The following CHRNA7 variants were observed in gnomAD, a reference collection of about 807,000 sequenced individuals.
CHRNA7 encodes the protein neuronal acetylcholine receptor subunit alpha-7.
In CHRNA7, 17 loss-of-function variants were observed where a neutral mutation model predicts 48.0. That is an observed-to-expected ratio of 0.35 (90% CI 0.24 to 0.53). The LOEUF is 0.53. Ranked by LOEUF, CHRNA7 falls within the 20% of genes least tolerant of loss-of-function variation. CHRNA7 has a pLI of 0.92. For missense variants in CHRNA7, 155 were observed against 577.7 expected (o/e 0.27, Z 7.50); for synonymous variants, 75 against 242.3 (o/e 0.31, Z 6.41).
Position 32,149,278 on chromosome 15 carries a change from C to T in CHRNA7, c.351-4629C>T, listed in dbSNP as rs2051565778. On this transcript the variant is annotated intron_variant, in intron 4 of 9. Transcript: ENST00000306901. The surrounding 1 kb of genome is among the most constrained non-coding windows in gnomAD (Gnocchi z 4.6). ...AGAATGAATCCCTGCAGCCCTACCC[C>T]TGTTTCCACGGTTATGGGTGTTTGC... is the stretch of plus-strand genomic sequence containing the variant. Among the ~76,000 whole-genome samples the T allele has an allele frequency of 1.3e-5, 2 of 151,060 alleles. No homozygotes were observed. The highest frequency in any genetic ancestry group is 5.0e-5 in the African/African-American group (2 of 40,378).
At chr15:32,069,015 T>G (rs1399406215) in intron 2 of CHRNA7, among the ~76,000 whole-genome samples, 1 of 152,198 alleles carries the variant, frequency 6.6e-6, no homozygotes, top group Non-Finnish European at 1.5e-5. Flanking sequence ...GGACACCTTT[T>G]TTGTGATACC....
At chr15:32,150,953 G>T (rs930915443) in intron 4 of CHRNA7, among the ~76,000 whole-genome samples, 1 of 151,988 alleles carries the variant, frequency 6.6e-6, no homozygotes, top group Non-Finnish European at 1.5e-5. Flanking sequence ...GTAAGGGGGG[G>T]GGATGTGTCC....
chr15:32,096,556 T>C (rs1350165312), intron 2 of CHRNA7, among the ~76,000 whole-genome samples: 4 of 152,146 alleles, frequency 2.6e-5, no homozygotes, highest in Non-Finnish European at 5.9e-5. Context: ...CCAGCTATTT[T>C]CTCTGCAAAC....
intron 2 of CHRNA7, among the ~76,000 whole-genome samples, chr15:32,055,329 G>T: frequency 6.7e-6 from 1 of 149,852 alleles, no homozygotes; most frequent in East Asian, 2.0e-4. Context: ...TCTTTGTTTT[G>T]TGCTGTTATA....
At chr15:32,081,180 A>G (rs2050210041) in intron 2 of CHRNA7, among the ~76,000 whole-genome samples, 1 of 152,196 alleles carries the variant, frequency 6.6e-6, no homozygotes, top group East Asian at 1.9e-4. Flanking sequence ...AAAAATAGCA[A>G]ATGCATGCTG....
intron 3 of CHRNA7, among the ~76,000 whole-genome samples, chr15:32,105,334 CGGA>C (rs1261978507): frequency 1.3e-5 from 2 of 148,674 alleles, no homozygotes; most frequent in African/African-American, 2.5e-5. Flanking sequence ...AAGAAGGAGG[CGGA>C]GGAGAAGAAG....
At chr15:32,093,304 A>G (rs1056870091) in intron 2 of CHRNA7, among the ~76,000 whole-genome samples, 5 of 152,142 alleles carry the variant, frequency 3.3e-5, no homozygotes, top group Non-Finnish European at 4.4e-5. Context: ...TCATTCCCCA[A>G]GAGGTAGGTC....
intron 2 of CHRNA7, among the ~76,000 whole-genome samples, chr15:32,046,020 A>G (rs765164387): frequency 1.1e-3 from 173 of 151,238 alleles, no homozygotes; most frequent in Non-Finnish European, 2.2e-3. Flanking sequence ...ATGGCTGCAT[A>G]GTATTCCATG....
At chr15:32,148,783 A>G (rs1344465449) in intron 4 of CHRNA7, among the ~76,000 whole-genome samples, 1 of 152,184 alleles carries the variant, frequency 6.6e-6, no homozygotes, top group Non-Finnish European at 1.5e-5. Context: ...AAACACCATG[A>G]TCCAGGCAAG....
At chr15:32,106,246 G>T (rs2050667292) in intron 3 of CHRNA7, among the ~76,000 whole-genome samples, 1 of 152,120 alleles carries the variant, frequency 6.6e-6, no homozygotes, top group Non-Finnish European at 1.5e-5. Context: ...TCTAGCAATG[G>T]GTTTTTCTCC....
chr15:32,093,920 A>T (rs1020535466), intron 2 of CHRNA7, among the ~76,000 whole-genome samples: 1 of 152,210 alleles, frequency 6.6e-6, no homozygotes, highest in African/African-American at 2.4e-5. Context: ...AATAGAATCA[A>T]AGAGTTCAGA....
intron 3 of CHRNA7, among the ~76,000 whole-genome samples, chr15:32,110,382 C>G (rs961657973): frequency 6.6e-6 from 1 of 152,212 alleles, no homozygotes; most frequent in African/African-American, 2.4e-5. Context: ...CATTAGAGAC[C>G]CCAGCAGGCA....
intron 7 of CHRNA7, chr15:32,159,279 G>A: frequency 2.8e-6 from 1 of 360,712 alleles, no homozygotes; most frequent in South Asian, 3.5e-5. Flanking sequence ...ATTTTACAGA[G>A]AATATGAGAG....
chr15:32,051,435 G>T (rs941809013), intron 2 of CHRNA7, among the ~76,000 whole-genome samples: 1 of 152,206 alleles, frequency 6.6e-6, no homozygotes, highest in Admixed American at 6.5e-5. Context: ...GACTCCATGG[G>T]CGTAGGACCC....
chr15:32,058,927 A>G (rs1326541425), intron 2 of CHRNA7, among the ~76,000 whole-genome samples: 1 of 152,180 alleles, frequency 6.6e-6, no homozygotes, highest in African/African-American at 2.4e-5. Flanking sequence ...TTTGATGATC[A>G]TGTGAAATGG....
intron 4 of CHRNA7, among the ~76,000 whole-genome samples, chr15:32,148,271 A>G (rs1302519235): frequency 3.3e-5 from 5 of 151,932 alleles, no homozygotes; most frequent in African/African-American, 7.3e-5. Flanking sequence ...CACGTGCCCT[A>G]TTGGGAGTTG....
intron 3 of CHRNA7, chr15:32,102,597 A>G (rs2050592686): frequency 6.6e-6 from 1 of 152,210 alleles, no homozygotes; most frequent in African/African-American, 2.4e-5. Context: ...AAGGTGACAT[A>G]AATTAAAATT....
rs1368459535 is a variant in CHRNA7, at chr15:32,170,380, G to C, written c.*1922G>C. The C allele has an allele frequency of 1.4e-5, 2 of 144,300 alleles. No homozygotes were observed. The highest frequency in any genetic ancestry group is 5.2e-5 in the African/African-American group (2 of 38,260). 8.9% of individuals were successfully genotyped at this position (144,300 alleles called of 1,614,324 possible). A position where few individuals can be genotyped will look rare whatever the true frequency, so the allele number is the denominator to read the frequency against. ...CTTGGAGCAGGATCATTCCTCAGCA[G>C]GCATTCCTTCCACATGCTATGGATG... On this transcript the variant is annotated 3_prime_UTR_variant, in exon 10 of 10. Transcript: ENST00000306901.
intron 2 of CHRNA7, among the ~76,000 whole-genome samples, chr15:32,082,185 A>G (rs1321195099): frequency 6.6e-6 from 1 of 151,638 alleles, no homozygotes; most frequent in Non-Finnish European, 1.5e-5. Context: ...CGTGGTGGAG[A>G]TTTCTTTGGA....
Sources: gnomAD v4.1 joint callset for allele counts (sites outside exome capture counted in the v4.1 genomes callset) on GRCh38, gnomAD v4.1.1 for gene constraint, Gnocchi (gnomAD v3.1) non-coding constraint, MANE v1.5 for transcripts, NCBI Gene and HGNC (gene_info 2026-07-23, HGNC 2026-07-21) for gene names.